Variants in FAT1 observed in about 807,000 individuals in gnomAD.
FAT1 encodes the protein protocadherin Fat 1.
Under a neutral mutation model 329.8 loss-of-function variants are expected in FAT1, and 171 were observed. That is an observed-to-expected ratio of 0.52 (90% CI 0.46 to 0.59). FAT1 has a LOEUF of 0.59. FAT1 is among the 20% of genes least tolerant of loss of function. The pLI is 0.00. For missense variants in FAT1, 5,672 were observed against 5,774.4 expected (o/e 0.98, Z 0.57); for synonymous variants, 2,233 against 2,228.6 (o/e 1.00, Z -0.06).
In FAT1 at chr4:186,604,001, C is replaced by T. The variant is rs765770898; in HGVS notation, c.10549-24G>A. The T allele has an allele frequency of 3.8e-6, 6 of 1,568,514 alleles. No homozygotes were observed. In the African/African-American group the frequency reaches 8.1e-5, roughly 21 times the overall value. ...ACCTACAAGAAAAGAAAAATAAAAT[C>T]ACCTTTGTCTATGGCACTGTTTATA... On this transcript the variant is annotated intron_variant, in intron 18 of 26. Transcript: ENST00000441802.
In FAT1 at chr4:186,595,671, A is replaced by G. The variant is rs1738465674; in HGVS notation, c.13138+18T>C. On this transcript the variant is annotated intron_variant, in intron 26 of 26. Transcript: ENST00000441802. The stretch of plus-strand genomic sequence containing the variant: ...ACAAGCAAGCAAAGCGCAGTGTTGC[A>G]GCACACTGCTGCCTCACCATTGTCA... The G allele has an allele frequency of 6.2e-7, 1 of 1,613,388 alleles. No homozygotes were observed. The highest frequency in any genetic ancestry group is 8.5e-7 in the Non-Finnish European group (1 of 1,179,582).
chr4:186,641,524 G>A (rs114083248), intron 3 of FAT1, among the ~76,000 whole-genome samples: 4,220 of 152,206 alleles, frequency 0.028, 189 homozygotes, highest in African/African-American at 0.097. Context: ...AGTTGTGATT[G>A]ATGGTAACAT....
Position 186,706,813 on chromosome 4 carries a change from G to C in FAT1, c.3015C>G (p.Asp1005Glu), listed in dbSNP as rs1744634883. 1 of 1,613,946 alleles carries C rather than the reference G, an allele frequency of 6.2e-7. No homozygotes were observed. The highest frequency in any genetic ancestry group is 1.1e-5 in the South Asian group (1 of 91,072). ...QVYNLTVRAK[D>E]KGKPVSLSST... The stretch of plus-strand genomic sequence containing the variant: ...AAGACAGAGAAACTGGCTTTCCCTT[G>C]TCTTTGGCCCTCACAGTGAGATTAT... The change falls in exon 2 of 27, where the codon GAC becomes GAG. Residue 1005 changes from aspartate to glutamate, a missense_variant. Around this residue, in one of 2 missense-constraint regions of FAT1, gnomAD observed 3,966 missense variants for 3,915.2 expected, o/e 1.01. Transcript: ENST00000441802.
chr4:186,719,134 T>C (rs1308663114), intron 1 of FAT1, among the ~76,000 whole-genome samples: 1 of 152,216 alleles, frequency 6.6e-6, no homozygotes, highest in African/African-American at 2.4e-5. Context: ...CTTCCAACTC[T>C]TCCTCCACAT....
intron 7 of FAT1, among the ~76,000 whole-genome samples, chr4:186,629,061 C>T (rs772785600): frequency 5.9e-5 from 9 of 152,142 alleles, no homozygotes; most frequent in South Asian, 2.1e-4. Context: ...ACTTCTCTTA[C>T]GCCTCCACAG....
chr4:186,600,021 T>C lies in FAT1; in HGVS notation c.11980A>G (p.Arg3994Gly). ...GQELPLNSKP[R>G]SYAHIEESVD... ...GACTCTTCGATGTGTGCATAGCTTCTGGGTTTGCTGTTTAAAGGGAGCTCC... is the reference window on the plus strand; with the variant it reads ...GACTCTTCGATGTGTGCATAGCTTCCGGGTTTGCTGTTTAAAGGGAGCTCC... Residue 3994 changes from arginine (R) to glycine (G), a missense_variant, in exon 22 of 27, where the codon AGA (arginine) becomes GGA (glycine). By Grantham distance (125) the Arg-to-Gly change is moderately radical. This residue lies in a region of FAT1 where 1,706 missense variants were observed against 1,859.1 expected (regional missense o/e 0.92). Coordinates refer to ENST00000441802, the MANE Select transcript of FAT1 (RefSeq NM_005245.4). The C allele has an allele frequency of 6.2e-7, 1 of 1,614,028 alleles. No individual in the cohort carries two copies. The highest frequency in any genetic ancestry group is 8.5e-7 in the Non-Finnish European group (1 of 1,179,892).
intron 4 of FAT1, among the ~76,000 whole-genome samples, chr4:186,638,395 CTGTT>C (rs1740934736): frequency 6.6e-6 from 1 of 152,210 alleles, no homozygotes; most frequent in Non-Finnish European, 1.5e-5. Context: ...ATCTTCCCAT[CTGTT>C]TATCTTTGTC....
In FAT1 at chr4:186,707,742, G is replaced by T. The variant is rs1215649077; in HGVS notation, c.2086C>A (p.Gln696Lys). Reference protein sequence around the residue: ...KLLQANKLHNQGEVEDIFFDS... With the variant: ...KLLQANKLHNKGEVEDIFFDS... ...AAGAAAATATCCTCCACCTCTCCCT[G>T]GTTGTGTAATTTATTTGCCTGCAGG... Residue 696 changes from glutamine (Q) to lysine (K), a missense_variant, in exon 2 of 27, where the codon CAG becomes AAG. By Grantham distance (53) the Gln-to-Lys change is moderately conservative (BLOSUM62 1). This residue lies in a region of FAT1 where 3,966 missense variants were observed against 3,915.2 expected (regional missense o/e 1.01). Coordinates refer to ENST00000441802, the MANE Select transcript of FAT1 (RefSeq NM_005245.4). 1.2e-6 allele frequency: 2 copies of T among 1,613,654 alleles called. No homozygotes were observed. The highest frequency in any genetic ancestry group is 1.7e-6 in the Non-Finnish European group (2 of 1,179,880).
intron 17 of FAT1, among the ~76,000 whole-genome samples, chr4:186,605,102 T>C (rs1240459491): frequency 4.0e-5 from 6 of 150,932 alleles, no homozygotes; most frequent in Admixed American, 1.3e-4. Context: ...GCCTGTAATC[T>C]CAGCACTTGG....
intron 2 of FAT1, among the ~76,000 whole-genome samples, chr4:186,691,523 AG>A (rs1743761557): frequency 6.6e-6 from 1 of 152,228 alleles, no homozygotes; most frequent in South Asian, 2.1e-4. Context: ...CAGGCGTGAC[AG>A]GCATGTTGGC....
chr4:186,705,624 C>T (rs1456613973), intron 2 of FAT1, among the ~76,000 whole-genome samples: 1 of 152,206 alleles, frequency 6.6e-6, no homozygotes, highest in East Asian at 1.9e-4. Flanking sequence ...TTGCTAGGTG[C>T]TAAACACAGA....
chr4:186,695,259 AAT>A (rs1743967800), intron 2 of FAT1, among the ~76,000 whole-genome samples: 1 of 152,230 alleles, frequency 6.6e-6, no homozygotes, highest in Non-Finnish European at 1.5e-5. Context: ...TGATACAGGC[AAT>A]AGCACTACTC....
intron 6 of FAT1, among the ~76,000 whole-genome samples, chr4:186,634,830 C>A (rs900938884): frequency 6.6e-6 from 1 of 152,166 alleles, no homozygotes; most frequent in South Asian, 2.1e-4. Context: ...GAAGCAAGCG[C>A]GCATGGAAAG....
chr4:186,707,156 T>G lies in FAT1; in HGVS notation c.2672A>C (p.His891Pro), dbSNP rs779654165. The part of the protein sequence containing the change: ...RPLDRELQHE[H>P]SLKIEARDQA... The stretch of plus-strand genomic sequence containing the variant: ...GTCCCTGGCCTCAATCTTTAAGGAG[T>G]GCTCATGCTGCAGCTCTCGATCCAG... Residue 891 changes from histidine to proline, a missense_variant, in exon 2 of 27, where the codon CAC (histidine) becomes CCC (proline). By Grantham distance (77) the His-to-Pro change is moderately conservative. Around this residue, in one of 2 missense-constraint regions of FAT1, gnomAD observed 3,966 missense variants for 3,915.2 expected, o/e 1.01. Transcript: ENST00000441802. The G allele has an allele frequency of 1.9e-6, 3 of 1,613,778 alleles. No homozygotes were observed. The East Asian group carries it at 6.7e-5, about 36-fold the overall frequency.
intron 3 of FAT1, among the ~76,000 whole-genome samples, chr4:186,658,357 G>T (rs444886): frequency 0.71 from 108,512 of 152,080 alleles, 39,638 homozygotes; most frequent in East Asian, 0.94. Context: ...TCAAACTTGT[G>T]GTTTAGAACA....
intron 13 of FAT1, among the ~76,000 whole-genome samples, chr4:186,612,646 C>T (rs529866226): frequency 6.6e-6 from 1 of 152,278 alleles, no homozygotes; most frequent in East Asian, 1.9e-4. Flanking sequence ...GAATACTCAA[C>T]CTGTGGTATG....
In FAT1 at chr4:186,588,039, T is replaced by G. The variant is rs937664928; in HGVS notation, c.*553A>C. On this transcript the variant is annotated 3_prime_UTR_variant, in exon 27 of 27. Transcript: ENST00000441802. ...TGTATCTGATCTCTCCTTCATCCTA[T>G]GTACAGCTAGAAATGAATGACTACA... 1.8e-5 allele frequency: 4 copies of G among 217,656 alleles called. No homozygotes were observed. Among genetic ancestry groups the G allele is most frequent in the Non-Finnish European group, 3.7e-5 (4 of 108,286 alleles). The allele number at this position is 217,656 out of a possible 1,614,324, so 13.5% of individuals were successfully genotyped here.
intron 16 of FAT1, among the ~76,000 whole-genome samples, chr4:186,607,796 T>G (rs924576153): frequency 1.3e-5 from 2 of 151,652 alleles, no homozygotes; most frequent in Non-Finnish European, 2.9e-5. Flanking sequence ...AATGGGTGGA[T>G]GGATACTGGA....
chr4:186,672,287 GT>G (rs576709839), intron 2 of FAT1, among the ~76,000 whole-genome samples: 62 of 152,266 alleles, frequency 4.1e-4, no homozygotes, highest in African/African-American at 1.4e-3. Context: ...GTCAAAATAA[GT>G]AAAAGAAAGT....
Sources: allele counts gnomAD v4.1 joint callset (sites outside exome capture counted in the v4.1 genomes callset), GRCh38; gene constraint gnomAD v4.1.1; regional missense constraint gnomAD v4.1.1; transcripts MANE v1.5; gene names NCBI Gene and HGNC (gene_info 2026-07-23, HGNC 2026-07-21).